The following XYLB variants were observed in gnomAD, a reference collection of about 807,000 sequenced individuals.
XYLB encodes xylulokinase.
A neutral mutation model predicts 78.7 loss-of-function variants in XYLB; 62 were observed. The ratio of observed to expected loss-of-function variants is 0.79; its 90% confidence interval spans 0.64 to 0.97. The LOEUF is 0.97. XYLB is among the 50% of genes least tolerant of loss of function. XYLB has a pLI of 0.00. For missense variants in XYLB, 687 were observed against 676.8 expected (o/e 1.02, Z -0.17); for synonymous variants, 245 against 247.4 (o/e 0.99, Z 0.09).
chr3:38,350,140 T>C (rs1242363278), intron 2 of XYLB, among the ~76,000 whole-genome samples: 2 of 152,218 alleles, frequency 1.3e-5, no homozygotes, highest in African/African-American at 4.8e-5. Flanking sequence ...CACTTCCTCT[T>C]TGAAGCCTTC....
the XYLB span, among the ~76,000 whole-genome samples, chr3:38,445,065 TA>T: frequency 1.3e-5 from 2 of 152,206 alleles, no homozygotes. Context: ...ATTAGAGTCC[TA>T]AGCATTTTCT....
intron 18 of XYLB, among the ~76,000 whole-genome samples, chr3:38,401,421 G>A (rs1206959118): frequency 6.6e-6 from 1 of 152,186 alleles, no homozygotes; most frequent in Non-Finnish European, 1.5e-5. Context: ...CCCTCAGAAA[G>A]CAGAGTCTGA....
At chr3:38,355,819 T>G in intron 2 of XYLB, 1 of 702,850 alleles carries the variant, frequency 1.4e-6, no homozygotes, top group South Asian at 1.5e-5. Flanking sequence ...GGAGCAGAAC[T>G]CCCCACTCCC....
intron 2 of XYLB, among the ~76,000 whole-genome samples, chr3:38,349,002 A>C (rs915683866): frequency 6.6e-6 from 1 of 152,228 alleles, no homozygotes; most frequent in Non-Finnish European, 1.5e-5. Flanking sequence ...CCTCTGAAGG[A>C]AAGGAACTCA....
chr3:38,404,059 A>G (rs1708219945), intron 18 of XYLB, among the ~76,000 whole-genome samples: 1 of 152,174 alleles, frequency 6.6e-6, no homozygotes, highest in Non-Finnish European at 1.5e-5. Context: ...GCTTGTGCTC[A>G]AGGGGAAACT....
the XYLB span, among the ~76,000 whole-genome samples, chr3:38,434,872 C>T: frequency 3.5e-4 from 53 of 152,304 alleles, no homozygotes; most frequent in Admixed American, 3.3e-4. Context: ...GTGGCTCATG[C>T]GTATAATCCC....
In XYLB at chr3:38,413,132, C is replaced by T; in HGVS notation, c.*119C>T. On this transcript the variant is annotated 3_prime_UTR_variant, in exon 19 of 19. Coordinates refer to ENST00000207870, the MANE Select transcript of XYLB (RefSeq NM_005108.4). Reference sequence around the variant, plus strand: ...CAGCTCTTCCTGCCCCTACTGACTCCTTGGAGTGTCCAGGACCATCTTAAA... The same window carrying T: ...CAGCTCTTCCTGCCCCTACTGACTCTTTGGAGTGTCCAGGACCATCTTAAA... The T allele has an allele frequency of 4.0e-6, 4 of 1,011,622 alleles. No individual in the cohort carries two copies. The highest frequency in any genetic ancestry group is 5.6e-6 in the Non-Finnish European group (4 of 716,974). 62.7% of individuals were successfully genotyped at this position (1,011,622 alleles called of 1,614,324 possible).
rs746034155 is a variant in XYLB at position 38,365,701 on chromosome 3, G to A, written c.472G>A (p.Ala158Thr). The change falls in exon 6 of 19, where the codon GCT becomes ACT. Residue 158 changes from alanine to threonine, a missense_variant. Coordinates refer to ENST00000207870, the MANE Select transcript of XYLB (RefSeq NM_005108.4). Reference sequence around the variant, plus strand: ...GGAGGCTGCTGTGGGTGGTGCTCAGGCTCTCAGCTGCCTCACGGGGTCCCG... The same window carrying A: ...GGAGGCTGCTGTGGGTGGTGCTCAGACTCTCAGCTGCCTCACGGGGTCCCG... Reference protein sequence around the residue: ...QLEAAVGGAQALSCLTGSRAY... With the variant: ...QLEAAVGGAQTLSCLTGSRAY... 3 of 1,613,732 alleles carry A rather than the reference G, an allele frequency of 1.9e-6. No individual in the cohort carries two copies. The South Asian group carries it at 3.3e-5, about 18-fold the overall frequency.
chr3:38,443,718 CTT>C, the XYLB span, among the ~76,000 whole-genome samples: 1 of 152,300 alleles, frequency 6.6e-6, no homozygotes, highest in East Asian at 1.9e-4. Context: ...GGGAAATAAA[CTT>C]ATCTTTTAGG....
downstream of XYLB, among the ~76,000 whole-genome samples, chr3:38,425,591 A>G (rs1709083998): frequency 6.6e-6 from 1 of 152,262 alleles, no homozygotes; most frequent in Non-Finnish European, 1.5e-5. Context: ...AGACAGAAGC[A>G]GAACAACTGG....
Position 38,376,946 on chromosome 3 carries a change from C to T in XYLB, c.1149C>T (p.Thr383=), listed in dbSNP as rs1402761417. 1.2e-5 allele frequency: 19 copies of T among 1,613,648 alleles called. No individual in the cohort carries two copies. The highest frequency in any genetic ancestry group is 2.2e-5 in the East Asian group (1 of 44,876). Residue 383 remains threonine (T), a synonymous_variant, in exon 14 of 19, where the codon ACC becomes ACT. Coordinates refer to ENST00000207870, the MANE Select transcript of XYLB (RefSeq NM_005108.4). ...LGFYFDVMEI[T]PEIIGRHRFN... ...TTTATTTTGATGTAATGGAGATCACCCCTGAAATTATTGGACGTCATAGGT... is the reference window on the plus strand; with the variant it reads ...TTTATTTTGATGTAATGGAGATCACTCCTGAAATTATTGGACGTCATAGGT...
At chr3:38,427,524 T>C in the XYLB span, among the ~76,000 whole-genome samples, 2 of 152,228 alleles carry the variant, frequency 1.3e-5, no homozygotes, top group Non-Finnish European at 1.5e-5. Context: ...CACACTTTTT[T>C]CCTATTTTAT....
chr3:38,375,890 G>A (rs1706827789), intron 12 of XYLB, among the ~76,000 whole-genome samples: 1 of 152,168 alleles, frequency 6.6e-6, no homozygotes, highest in Non-Finnish European at 1.5e-5. Context: ...AGCCTCCTGT[G>A]TAAACAGCCC....
At chr3:38,421,682 A>G (rs1045500483), downstream of XYLB, among the ~76,000 whole-genome samples, 48 of 152,262 alleles carry the variant, frequency 3.2e-4, no homozygotes, top group Middle Eastern at 6.8e-3. Context: ...TTCCACACAG[A>G]TGACGAGGAG....
Position 38,370,124 on chromosome 3 carries a change from C to A in XYLB, c.715C>A (p.Pro239Thr). ...WSQACLGACA[P>T]HLEEKLSPPV... ...CCAGGCTTGCCTTGGTGCCTGTGCA[C>A]CTCATTTAGAGGAGAAGCTTAGCCC... The change falls in exon 9 of 19, where the codon CCT becomes ACT. Residue 239 changes from proline to threonine, a missense_variant. Physicochemically the swap from Pro to Thr is conservative, Grantham distance 38. Coordinates refer to ENST00000207870, the MANE Select transcript of XYLB (RefSeq NM_005108.4). The A allele has an allele frequency of 6.2e-7, 1 of 1,614,188 alleles. No individual in the cohort carries two copies. Among genetic ancestry groups the A allele is most frequent in the Non-Finnish European group, 8.5e-7 (1 of 1,180,024 alleles).
chr3:38,410,077 T>C (rs1021476561), intron 18 of XYLB, among the ~76,000 whole-genome samples: 9 of 149,632 alleles, frequency 6.0e-5, no homozygotes, highest in Non-Finnish European at 1.0e-4. Flanking sequence ...CATCGCCAAG[T>C]CAATCCTAAG....
chr3:38,371,410 A>G (rs1015175170), intron 9 of XYLB, among the ~76,000 whole-genome samples: 1 of 151,962 alleles, frequency 6.6e-6, no homozygotes, highest in African/African-American at 2.4e-5. Context: ...AGTAGCTGGG[A>G]CTATAGGTGC....
intron 10 of XYLB, among the ~76,000 whole-genome samples, chr3:38,373,890 G>T (rs1262136282): frequency 1.3e-5 from 2 of 152,144 alleles, no homozygotes; most frequent in African/African-American, 4.8e-5. Context: ...GTGGTAGTGT[G>T]CACCTGTAGT....
chr3:38,385,377 T>C (rs1707338500), intron 15 of XYLB, among the ~76,000 whole-genome samples: 1 of 152,198 alleles, frequency 6.6e-6, no homozygotes, highest in Non-Finnish European at 1.5e-5. Flanking sequence ...TAAAGGTTGG[T>C]ATATTTTATT....
Sources: allele counts gnomAD v4.1 joint callset (sites outside exome capture counted in the v4.1 genomes callset), GRCh38; gene constraint gnomAD v4.1.1; transcripts MANE v1.5; gene names NCBI Gene and HGNC (gene_info 2026-07-23, HGNC 2026-07-21).